The following SI variants were observed in gnomAD, a reference collection of about 807,000 sequenced individuals.
The protein encoded by SI is sucrase-isomaltase, intestinal.
SI carries 235 observed loss-of-function variants against 253.3 expected under a neutral mutation model. That is an observed-to-expected ratio of 0.93 (90% confidence interval 0.83 to 1.03). SI has a LOEUF of 1.03. Ranked by LOEUF, SI falls within the 50% of genes least tolerant of loss-of-function variation. The probability of loss-of-function intolerance (pLI) is 0.00; values close to 1 mark genes in which losing one functional copy is unlikely to be tolerated. For missense variants in SI, 2,442 were observed against 2,211.1 expected, an observed-to-expected ratio of 1.10 and a Z score of -2.09; for synonymous variants, 819 against 712.0, an observed-to-expected ratio of 1.15 and a Z score of -2.39.
In SI at chr3:165,018,016, C is replaced by T. The variant is rs1436723104; in HGVS notation, c.3474G>A (p.Glu1158=). The change falls in exon 29 of 48, where the codon GAG becomes GAA. Residue 1158 remains glutamate (E), a synonymous_variant. Transcript: ENST00000264382. ...AGAAAACACCATGAGCATTGCCCTC[C>T]TCTTCCAGAGCCATGTAATAGGGAT... is the stretch of plus-strand genomic sequence containing the variant. The part of the protein sequence containing the change: ...GFHPYYMALE[E]EGNAHGVFLL... 2 of 1,612,050 alleles carry T rather than the reference C, an allele frequency of 1.2e-6. No homozygotes were observed. Among genetic ancestry groups the T allele is most frequent in the South Asian group, 1.1e-5 (1 of 91,058 alleles).
chr3:165,040,010 A>T lies in SI; in HGVS notation c.2160-39T>A, dbSNP rs755548016. The T allele has an allele frequency of 2.7e-6, 4 of 1,493,374 alleles. No homozygotes were observed. In the South Asian group the frequency reaches 4.5e-5, roughly 17 times the overall value. The allele number at this position is 1,493,374 out of a possible 1,614,324, so 92.5% of individuals were successfully genotyped here. Reference sequence around the variant, plus strand: ...CAATGTTTAAAGTATAATAATGAAAAAATAAGTTTATCCAAATTCCTGGTT... The same window carrying T: ...CAATGTTTAAAGTATAATAATGAAATAATAAGTTTATCCAAATTCCTGGTT... On this transcript the variant is annotated intron_variant, in intron 18 of 47. Transcript: ENST00000264382.
intron 7 of SI, among the ~76,000 whole-genome samples, chr3:165,064,765 A>T (rs926120550): frequency 4.6e-5 from 7 of 152,130 alleles, no homozygotes; most frequent in Non-Finnish European, 7.4e-5. Context: ...TATGAGTGAT[A>T]AAGAACATTA....
At chr3:165,027,232 C>T (rs1249224095) in intron 25 of SI, among the ~76,000 whole-genome samples, 1 of 150,996 alleles carries the variant, frequency 6.6e-6, no homozygotes, top group Non-Finnish European at 1.5e-5. Context: ...GGATAAATTC[C>T]TGGAATGACA....
intron 18 of SI, 89 bp downstream of exon 18, chr3:165,040,851 A>G: frequency 2.0e-6 from 2 of 1,023,648 alleles, no homozygotes; most frequent in Non-Finnish European, 3.0e-6. Context: ...AGTTTAATTG[A>G]TATCTTGATT....
chr3:165,056,943 A>G (rs1048009953), intron 12 of SI, among the ~76,000 whole-genome samples: 7 of 152,040 alleles, frequency 4.6e-5, no homozygotes, highest in East Asian at 1.9e-4. Flanking sequence ...ACAAACATCC[A>G]CAAGAATCAA....
intron 45 of SI, among the ~76,000 whole-genome samples, chr3:164,984,407 T>C (rs1717341215): frequency 1.3e-5 from 2 of 152,282 alleles, no homozygotes; most frequent in South Asian, 2.1e-4. Flanking sequence ...TTACAAGACA[T>C]ATTAGTGTCA....
chr3:165,053,656 C>T (rs1246422904), intron 13 of SI, among the ~76,000 whole-genome samples: 1 of 152,112 alleles, frequency 6.6e-6, no homozygotes, highest in African/African-American at 2.4e-5. Context: ...TTCTCTCCCA[C>T]ACTTTGGAGG....
At chr3:164,996,687 A>T in intron 39 of SI, 36 bp from the exon 40 acceptor site, 1 of 1,320,036 alleles carries the variant, frequency 7.6e-7, no homozygotes, top group Non-Finnish European at 1.1e-6. Flanking sequence ...AAATTTGAAT[A>T]GTTTATGAAT....
intron 37 of SI, among the ~76,000 whole-genome samples, chr3:165,002,735 A>C (rs532439476): frequency 6.6e-6 from 1 of 151,792 alleles, no homozygotes; most frequent in African/African-American, 2.4e-5. Context: ...TAATCTCTAA[A>C]ATTTTCCGAG....
Position 165,032,658 on chromosome 3 carries a change from T to C in SI, c.2600A>G (p.Tyr867Cys), listed in dbSNP as rs760055757. Reference protein sequence around the residue: ...TLDIVCTHSSYQEGTTLAFQT... With the variant: ...TLDIVCTHSSCQEGTTLAFQT... Reference sequence around the variant, plus strand: ...AAATGCTAAGGTAGTTCCTTCCTGATATGATGAATGTGTGCACACAATATC... The same window carrying C: ...AAATGCTAAGGTAGTTCCTTCCTGACATGATGAATGTGTGCACACAATATC... Residue 867 changes from tyrosine (Y) to cysteine (C), a missense_variant, in exon 24 of 48, where the codon TAT becomes TGT. Coordinates refer to ENST00000264382, the MANE Select transcript of SI (RefSeq NM_001041.4). 1.2e-6 allele frequency: 2 copies of C among 1,607,280 alleles called. No individual in the cohort carries two copies. Among genetic ancestry groups the C allele is most frequent in the Admixed American group, 1.7e-5 (1 of 59,568 alleles).
At chr3:165,022,493 C>T (rs778946397) in intron 26 of SI, among the ~76,000 whole-genome samples, 1 of 148,048 alleles carries the variant, frequency 6.8e-6, no homozygotes, top group Non-Finnish European at 1.5e-5. Flanking sequence ...AATTTGTGAA[C>T]CTTTCTTCAC....
chr3:165,018,999 T>A (rs555921638), intron 28 of SI, among the ~76,000 whole-genome samples: 1 of 151,940 alleles, frequency 6.6e-6, no homozygotes, highest in Admixed American at 6.6e-5. Flanking sequence ...AATAGAATAA[T>A]TTTCATTAAA....
At chr3:165,041,455 G>C (rs1174235900) in intron 17 of SI, among the ~76,000 whole-genome samples, 3 of 151,948 alleles carry the variant, frequency 2.0e-5, no homozygotes, top group Non-Finnish European at 4.4e-5. Flanking sequence ...AAGGTGGAGG[G>C]TGCCTACCCA....
rs775663304 is a variant in SI at position 165,032,665 on chromosome 3, A to C, written c.2593T>G (p.Ser865Ala). 3 of 1,605,786 alleles carry C rather than the reference A, an allele frequency of 1.9e-6. No individual in the cohort carries two copies. Among genetic ancestry groups the C allele is most frequent in the African/African-American group, 1.3e-5 (1 of 74,530 alleles). ...NNTLDIVCTHSSYQEGTTLAF... is the reference protein window; with the variant it reads ...NNTLDIVCTHASYQEGTTLAF... ...AAGGTAGTTCCTTCCTGATATGATG[A>C]ATGTGTGCACACAATATCTAATGTG... Residue 865 changes from serine (S) to alanine (A), a missense_variant, in exon 24 of 48, where the codon TCA becomes GCA. Coordinates refer to ENST00000264382, the MANE Select transcript of SI (RefSeq NM_001041.4).
chr3:165,026,359 A>G (rs141234917), intron 25 of SI, among the ~76,000 whole-genome samples: 90 of 151,530 alleles, frequency 5.9e-4, no homozygotes, highest in African/African-American at 2.2e-3. Context: ...CTAAGAATTG[A>G]GAGAGTCAGC....
intron 24 of SI, 39 bp from the exon 25 acceptor site, chr3:165,030,906 A>T: frequency 6.5e-7 from 1 of 1,531,704 alleles, no homozygotes; most frequent in Non-Finnish European, 8.7e-7. Flanking sequence ...AAAGAAAAAA[A>T]AAACACAAAC....
At position 165,067,457 on chromosome 3, in the gene SI, G is replaced by A. The variant is rs1442988706; in HGVS notation, c.518C>T (p.Pro173Leu). 1.9e-5 allele frequency: 30 copies of A among 1,610,906 alleles called. No individual in the cohort carries two copies. The East Asian group carries it at 6.5e-4, about 35-fold the overall frequency. The change falls in exon 6 of 48, where the codon CCT becomes CTT. Residue 173 changes from proline (P) to leucine (L), a missense_variant. Coordinates refer to ENST00000264382, the MANE Select transcript of SI (RefSeq NM_001041.4). The stretch of plus-strand genomic sequence containing the variant: ...AGTAAACTCTTTTACATACTGATGA[G>A]GAACTTCATATCTTCTATTATTTGG... ...TDPNNRRYEV[P>L]HQYVKEFTGP...
intron 13 of SI, among the ~76,000 whole-genome samples, chr3:165,050,947 T>C (rs549381048): frequency 6.6e-6 from 1 of 152,212 alleles, no homozygotes; most frequent in African/African-American, 2.4e-5. Context: ...TCTTTCATAC[T>C]ACTTTCTGAG....
chr3:165,060,062 G>A, intron 9 of SI, 35 bp from the exon 10 acceptor site: 4 of 1,583,956 alleles, frequency 2.5e-6, no homozygotes, highest in African/African-American at 1.3e-5. Flanking sequence ...AGTTTGAATA[G>A]AAATAAATAT....
Sources: allele counts gnomAD v4.1 joint callset (sites outside exome capture counted in the v4.1 genomes callset), GRCh38; gene constraint gnomAD v4.1.1; transcripts MANE v1.5; gene names NCBI Gene and HGNC (gene_info 2026-07-23, HGNC 2026-07-21).